Variants in PTPN1 observed in about 807,000 individuals in gnomAD.
PTPN1 encodes tyrosine-protein phosphatase non-receptor type 1.
A neutral mutation model predicts 59.9 loss-of-function variants in PTPN1; 12 were observed. The observed-to-expected ratio is 0.20, with a 90% CI of 0.13 to 0.32. PTPN1 has a LOEUF of 0.32. Among genes scored for constraint, PTPN1 ranks in the 10% least tolerant of loss-of-function variants. The pLI is 1.00. For missense variants in PTPN1, 356 were observed against 549.2 expected (o/e 0.65, Z 3.52); for synonymous variants, 178 against 203.6 (o/e 0.87, Z 1.07).
chr20:50,518,030 A>T (rs1240204892), intron 1 of PTPN1, among the ~76,000 whole-genome samples: 1 of 152,238 alleles, frequency 6.6e-6, no homozygotes, highest in Non-Finnish European at 1.5e-5. Flanking sequence ...ATAATTTTTA[A>T]AAATTTCTTA....
chr20:50,550,834 A>G (rs558835139), intron 1 of PTPN1, among the ~76,000 whole-genome samples: 2 of 152,358 alleles, frequency 1.3e-5, no homozygotes, highest in African/African-American at 2.4e-5. Flanking sequence ...TAGCTTTAAA[A>G]TGAGTAATGC....
At chr20:50,549,421 A>G (rs549569474) in intron 1 of PTPN1, among the ~76,000 whole-genome samples, 1 of 152,008 alleles carries the variant, frequency 6.6e-6, no homozygotes, top group East Asian at 1.9e-4. Context: ...TTTTTTTTCC[A>G]CGTAGTTTTC....
At chr20:50,531,944 C>T (rs542251508) in intron 1 of PTPN1, among the ~76,000 whole-genome samples, 39 of 152,194 alleles carry the variant, frequency 2.6e-4, no homozygotes, top group African/African-American at 6.0e-4. Flanking sequence ...GTTGGCTACG[C>T]GCATGGTAAC....
At chr20:50,579,991 G>A (rs1471774143) in intron 8 of PTPN1, 65 bp downstream of exon 8, 7 of 1,441,524 alleles carry the variant, frequency 4.9e-6, no homozygotes, top group African/African-American at 1.4e-5. Context: ...AGAAACACAC[G>A]CTGGTACTGA....
intron 1 of PTPN1, among the ~76,000 whole-genome samples, chr20:50,547,180 C>T (rs1283001037): frequency 6.6e-6 from 1 of 152,026 alleles, no homozygotes; most frequent in Non-Finnish European, 1.5e-5. Flanking sequence ...AAAGCAGACA[C>T]TATTAGGGAC....
chr20:50,519,981 G>A (rs553629633), intron 1 of PTPN1, among the ~76,000 whole-genome samples: 1 of 152,236 alleles, frequency 6.6e-6, no homozygotes, highest in East Asian at 1.9e-4. Context: ...TTGAATGTAG[G>A]ACACAGTCTA....
chr20:50,575,193 C>T (rs931460605), intron 5 of PTPN1, among the ~76,000 whole-genome samples: 2 of 152,188 alleles, frequency 1.3e-5, no homozygotes, highest in Non-Finnish European at 2.9e-5. Context: ...TGCCGCTGAA[C>T]GCGCTGCTCC....
intron 1 of PTPN1, among the ~76,000 whole-genome samples, chr20:50,560,243 T>C (rs1447676907): frequency 6.6e-6 from 1 of 152,136 alleles, no homozygotes. Context: ...CATCTTCCAC[T>C]GTGCCAACAG....
In PTPN1 at chr20:50,578,544, C is replaced by T. The variant is rs771341376; in HGVS notation, c.617C>T (p.Pro206Leu). 1.2e-5 allele frequency: 20 copies of T among 1,614,076 alleles called. No homozygotes were observed. The highest frequency in any genetic ancestry group is 5.0e-5 in the Admixed American group (3 of 60,012). ...FKVRESGSLS[P>L]EHGPVVVHCS... ...GTCCGAGAGTCAGGGTCACTCAGCCCGGAGCACGGGCCCGTTGTGGTGCAC... is the reference window on the plus strand; with the variant it reads ...GTCCGAGAGTCAGGGTCACTCAGCCTGGAGCACGGGCCCGTTGTGGTGCAC... The change falls in exon 6 of 10, where the codon CCG becomes CTG. Residue 206 changes from proline (P) to leucine (L), a missense_variant. Coordinates refer to ENST00000371621, the MANE Select transcript of PTPN1 (RefSeq NM_002827.4).
chr20:50,567,437 A>T lies in PTPN1; in HGVS notation c.256-943A>T, dbSNP rs114118582. On this transcript the variant is annotated intron_variant, in intron 3 of 9. Coordinates refer to ENST00000371621, the MANE Select transcript of PTPN1 (RefSeq NM_002827.4). Reference sequence around the variant, plus strand: ...GCGAGACTCTGCCTCAAAAAAAATTAAAAAAAAATAAAGAGGTTAGGTGAA... The same window carrying T: ...GCGAGACTCTGCCTCAAAAAAAATTTAAAAAAAATAAAGAGGTTAGGTGAA... 4.2e-3 allele frequency among the ~76,000 whole-genome samples: 640 copies of T among 151,658 alleles called. 1 individual carries two copies. Among genetic ancestry groups the T allele is most frequent in the African/African-American group, 0.015 (615 of 41,342 alleles).
chr20:50,553,538 G>A (rs2122766971), intron 1 of PTPN1, among the ~76,000 whole-genome samples: 1 of 152,326 alleles, frequency 6.6e-6, no homozygotes, highest in Admixed American at 6.5e-5. Context: ...ATTCAAGCTT[G>A]CATCGGCCAG....
Position 50,564,249 on chromosome 20 carries a change from G to C in PTPN1, c.155-720G>C, listed in dbSNP as rs1162870983. ...TAGGGACTAGGTGGAATTCATGGTG[G>C]GTTTTGTTCCCTTTTAAAGATTGAA... On this transcript the variant is annotated intron_variant, in intron 2 of 9. Coordinates refer to ENST00000371621, the MANE Select transcript of PTPN1 (RefSeq NM_002827.4). Among the ~76,000 whole-genome samples, 7 of 152,064 alleles carry C rather than the reference G, an allele frequency of 4.6e-5. No individual in the cohort carries two copies. The East Asian group carries it at 1.3e-3, about 29-fold the overall frequency.
Position 50,561,371 on chromosome 20 carries a change from A to C in PTPN1, c.72A>C (p.Arg24=), listed in dbSNP as rs762642397. The part of the protein sequence containing the change: ...GSWAAIYQDI[R]HEASDFPCRV... ...TTTATTCTTTTTTGTAGGATATCCG[A>C]CATGAAGCCAGTGACTTCCCATGTA... Residue 24 remains arginine, a synonymous_variant, in exon 2 of 10, where the codon CGA becomes CGC. Coordinates refer to ENST00000371621, the MANE Select transcript of PTPN1 (RefSeq NM_002827.4). 5.6e-6 allele frequency: 9 copies of C among 1,610,184 alleles called. No homozygotes were observed. The Admixed American group carries it at 1.5e-4, about 27-fold the overall frequency.
At chr20:50,561,326 C>A in intron 1 of PTPN1, 37 bp from the exon 2 acceptor site, 1 of 1,474,198 alleles carries the variant, frequency 6.8e-7, no homozygotes, top group Non-Finnish European at 9.4e-7. Context: ...TCCTCAGTGT[C>A]TGACGGTCAG....
intron 1 of PTPN1, among the ~76,000 whole-genome samples, chr20:50,527,121 G>A (rs138171508): frequency 2.6e-5 from 4 of 152,098 alleles, no homozygotes; most frequent in Admixed American, 2.6e-4. Flanking sequence ...GGTGACTCTC[G>A]AGGAATGGAT....
At chr20:50,545,870 T>G (rs1449054804) in intron 1 of PTPN1, among the ~76,000 whole-genome samples, 1 of 81,760 alleles carries the variant, frequency 1.2e-5, no homozygotes, top group African/African-American at 4.8e-5. Context: ...TACAAAAAAA[T>G]AGAAACAATG....
chr20:50,574,427 T>C, intron 4 of PTPN1, 90 bp from the exon 5 acceptor site: 3 of 1,318,410 alleles, frequency 2.3e-6, no homozygotes, highest in African/African-American at 1.5e-5. Context: ...CTTTGAGTTA[T>C]CATGAAGCTT....
intron 1 of PTPN1, among the ~76,000 whole-genome samples, chr20:50,554,380 A>ATTCTCTCCCTCTCTC (rs11481722): frequency 7.1e-6 from 1 of 140,200 alleles, no homozygotes; most frequent in Non-Finnish European, 1.5e-5. Flanking sequence ...GCAAGACCAC[A>ATTCTCTCCCTCTCTC]TCTCTCTCTC....
intron 1 of PTPN1, among the ~76,000 whole-genome samples, chr20:50,535,097 C>T (rs2082618685): frequency 6.6e-6 from 1 of 152,120 alleles, no homozygotes; most frequent in Non-Finnish European, 1.5e-5. Context: ...TAGTTCAGGC[C>T]CTTCTCATCT....
Sources: gnomAD v4.1 joint callset for allele counts (sites outside exome capture counted in the v4.1 genomes callset) on GRCh38, gnomAD v4.1.1 for gene constraint, MANE v1.5 for transcripts, NCBI Gene and HGNC (gene_info 2026-07-23, HGNC 2026-07-21) for gene names.